Variants in FGF14 observed in about 807,000 individuals in gnomAD.
FGF14 encodes the protein fibroblast growth factor homologous factor 4.
In FGF14, 5 loss-of-function variants were observed where a neutral mutation model predicts 25.5. The ratio of observed to expected loss-of-function variants is 0.20; its 90% CI spans 0.10 to 0.41. The LOEUF is 0.41. Ranked by LOEUF, FGF14 falls within the 10% of genes least tolerant of loss-of-function variation. The pLI is 1.00. For missense variants in FGF14, 222 were observed against 320.1 expected (o/e 0.69, Z 2.34); for synonymous variants, 138 against 118.3 (o/e 1.17, Z -1.08).
intron 1 of FGF14, among the ~76,000 whole-genome samples, chr13:102,278,708 G>T (rs2053674218): frequency 1.3e-5 from 2 of 151,640 alleles, no homozygotes; most frequent in Non-Finnish European, 1.5e-5. Flanking sequence ...GCATTACTCT[G>T]AAAAATCCCT....
At chr13:101,781,643 T>G (rs9513952) in intron 3 of FGF14, among the ~76,000 whole-genome samples, 64,836 of 152,028 alleles carry the variant, frequency 0.43, 15,773 homozygotes, top group Non-Finnish European at 0.55. Context: ...AATTGCCCAA[T>G]CTAAACTTGT....
chr13:101,943,827 ATAT>A (rs896206024), intron 1 of FGF14, among the ~76,000 whole-genome samples: 5 of 119,086 alleles, frequency 4.2e-5, no homozygotes, highest in African/African-American at 1.6e-4. Context: ...AAAAAAAAAA[ATAT>A]ATATATATAT....
At chr13:101,770,373 C>T (rs960822613) in intron 3 of FGF14, among the ~76,000 whole-genome samples, 12 of 151,990 alleles carry the variant, frequency 7.9e-5, no homozygotes, top group African/African-American at 2.9e-4. Flanking sequence ...AACATTTTAA[C>T]TGAAATATTA....
intron 3 of FGF14, among the ~76,000 whole-genome samples, chr13:101,784,092 C>T (rs1302186546): frequency 6.6e-6 from 1 of 152,118 alleles, no homozygotes; most frequent in African/African-American, 2.4e-5. Flanking sequence ...GTTACTGTAG[C>T]CCTGCAGCAG....
intron 3 of FGF14, among the ~76,000 whole-genome samples, chr13:101,809,971 C>T (rs2041408403): frequency 6.6e-6 from 1 of 152,110 alleles, no homozygotes; most frequent in Non-Finnish European, 1.5e-5. Context: ...GACCTAACTA[C>T]TTAAGATCTT....
intron 1 of FGF14, among the ~76,000 whole-genome samples, chr13:101,947,764 C>A (rs2035906469): frequency 6.6e-6 from 1 of 152,072 alleles, no homozygotes; most frequent in Non-Finnish European, 1.5e-5. Flanking sequence ...GGATCCATAC[C>A]CCAAACCTCA....
At position 102,239,752 on chromosome 13, in the gene FGF14, T is replaced by C. The variant is rs2051502070; in HGVS notation, c.208+161719A>G. Among the ~76,000 whole-genome samples, 5 of 152,334 alleles carry C rather than the reference T, an allele frequency of 3.3e-5. No homozygotes were observed. The South Asian group carries it at 6.2e-4, about 19-fold the overall frequency. ...GGTTTTATGACTCAGTATTTACTTT[T>C]CTTACTGCAACCCTTCTGATATTGT... On this transcript the variant is annotated intron_variant, in intron 1 of 4. Transcript: ENST00000376131.
At chr13:102,352,588 G>A (rs1335154464) in intron 1 of FGF14, among the ~76,000 whole-genome samples, 8 of 152,186 alleles carry the variant, frequency 5.3e-5, no homozygotes, top group African/African-American at 7.2e-5. Flanking sequence ...CGAGGCGGGC[G>A]GATCACGAGG....
chr13:102,391,965 A>G (rs2058443123), intron 1 of FGF14, among the ~76,000 whole-genome samples: 2 of 152,226 alleles, frequency 1.3e-5, no homozygotes, highest in East Asian at 1.9e-4. Flanking sequence ...ATTATGAGAT[A>G]TGATTTCTCT....
At position 101,873,189 on chromosome 13, in the gene FGF14, A is replaced by T. The variant is rs1186636205; in HGVS notation, c.304+1997T>A. On this transcript the variant is annotated intron_variant, in intron 2 of 4. Transcript: ENST00000376143. ...TTAGAAAGTGCTTATTCAATTCTGA[A>T]GCAGTATGCTTTTAAAAGGCAATGT... Among the ~76,000 whole-genome samples, 4 of 152,146 alleles carry T rather than the reference A, an allele frequency of 2.6e-5. No individual in the cohort carries two copies. The South Asian group carries it at 8.3e-4, about 32-fold the overall frequency.
intron 1 of FGF14, among the ~76,000 whole-genome samples, chr13:102,128,881 G>A (rs550282722): frequency 5.3e-5 from 8 of 152,160 alleles, no homozygotes; most frequent in Non-Finnish European, 1.0e-4. Flanking sequence ...TCAGGAGTTC[G>A]AGACCAGCCT....
rs569788493 is a variant in FGF14, at chr13:101,884,156, C to T, written c.194-8860G>A. Among the ~76,000 whole-genome samples, 15 of 148,714 alleles carry T rather than the reference C, an allele frequency of 1.0e-4. No homozygotes were observed. In the South Asian group the frequency reaches 1.1e-3, roughly 11 times the overall value. The stretch of plus-strand genomic sequence containing the variant: ...GAGCAACACAAAAAGGAAATGATGG[C>T]GTGAATGTGAAAGCCTCTGTGATCT... On this transcript the variant is annotated intron_variant, in intron 1 of 4. Coordinates refer to ENST00000376143, the MANE Select transcript of FGF14 (RefSeq NM_004115.4).
At chr13:102,195,490 A>G (rs1423573803) in intron 1 of FGF14, among the ~76,000 whole-genome samples, 3 of 152,180 alleles carry the variant, frequency 2.0e-5, no homozygotes, top group Admixed American at 1.3e-4. Context: ...TAAAAATACA[A>G]TTAAAGAAAT....
chr13:101,812,714 G>A (rs1249381393), intron 3 of FGF14, among the ~76,000 whole-genome samples: 1 of 120,126 alleles, frequency 8.3e-6, no homozygotes, highest in Non-Finnish European at 1.6e-5. Flanking sequence ...CAAGGTTGGA[G>A]TGCAATGGCG....
intron 3 of FGF14, among the ~76,000 whole-genome samples, chr13:101,858,476 AAG>A (rs543169074): frequency 6.6e-4 from 101 of 152,180 alleles, no homozygotes; most frequent in Middle Eastern, 3.4e-3. Context: ...AGTGAAAACA[AAG>A]AGAGAATACA....
intron 1 of FGF14, among the ~76,000 whole-genome samples, chr13:102,206,410 G>A (rs1293244194): frequency 6.6e-6 from 1 of 152,172 alleles, no homozygotes; most frequent in Non-Finnish European, 1.5e-5. Context: ...GCCCGGCGCA[G>A]TGGCTCACGC....
At chr13:102,156,859 C>T (rs570090565) in intron 1 of FGF14, among the ~76,000 whole-genome samples, 1 of 152,136 alleles carries the variant, frequency 6.6e-6, no homozygotes, top group Non-Finnish European at 1.5e-5. Context: ...CATTCTTATA[C>T]ACCAATAACA....
intron 3 of FGF14, among the ~76,000 whole-genome samples, chr13:101,808,120 T>C (rs930541528): frequency 6.6e-6 from 1 of 152,066 alleles, no homozygotes; most frequent in Non-Finnish European, 1.5e-5. Flanking sequence ...TATATGTTTA[T>C]GGAATGAGAA....
chr13:102,398,833 GATAA>G (rs1811989612), intron 1 of FGF14, among the ~76,000 whole-genome samples: 2 of 149,674 alleles, frequency 1.3e-5, no homozygotes, highest in African/African-American at 2.4e-5. Flanking sequence ...TAGAAGGTAA[GATAA>G]ATAATGTGAC....
Sources: allele counts gnomAD v4.1 joint callset (sites outside exome capture counted in the v4.1 genomes callset), GRCh38; gene constraint gnomAD v4.1.1; transcripts MANE v1.5; gene names NCBI Gene and HGNC (gene_info 2026-07-23, HGNC 2026-07-21).